CD163: variants seen among roughly 807,000 people sequenced by gnomAD.
CD163 encodes the protein scavenger receptor cysteine-rich type 1 protein M130.
A neutral mutation model predicts 129.2 loss-of-function variants in CD163; 64 were observed. That is an observed-to-expected ratio of 0.50 (90% CI 0.41 to 0.61). CD163 has a LOEUF of 0.61. Ranked by LOEUF, CD163 falls within the 20% of genes least tolerant of loss-of-function variation. The pLI, the probability that CD163 is intolerant of heterozygous loss-of-function variation, is 0.00. For missense variants in CD163, 1,061 were observed against 1,377.9 expected (o/e 0.77, Z 3.64); for synonymous variants, 446 against 478.5 (o/e 0.93, Z 0.89).
At position 7,497,172 on chromosome 12, in the gene CD163, C is replaced by G. The variant is rs1464533821; in HGVS notation, c.779-39G>C. The G allele has an allele frequency of 3.9e-6, 6 of 1,536,686 alleles. No homozygotes were observed. The African/African-American group carries it at 5.5e-5, about 14-fold the overall frequency. Reference sequence around the variant, plus strand: ...ACACAACAGGTCTGCGATAAGGAAGCAAGAACATGAGACTATAAATAGCTA... The same window carrying G: ...ACACAACAGGTCTGCGATAAGGAAGGAAGAACATGAGACTATAAATAGCTA... On this transcript the variant is annotated intron_variant, in intron 4 of 16. Transcript: ENST00000432237.
chr12:7,481,086 A>G, intron 15 of CD163, 75 bp downstream of exon 15: 1 of 1,546,916 alleles, frequency 6.5e-7, no homozygotes, highest in South Asian at 1.2e-5. Flanking sequence ...TGTTTATCAA[A>G]GTAGAATGTC....
At chr12:7,494,964 A>C (rs1949379284) in intron 6 of CD163, 117 bp downstream of exon 6, 1 of 764,000 alleles carries the variant, frequency 1.3e-6, no homozygotes, top group African/African-American at 1.7e-5. Flanking sequence ...ATTTGTGTAG[A>C]TATTTCCTGG....
At chr12:7,476,905 A>T (rs1019353533) in intron 16 of CD163, among the ~76,000 whole-genome samples, 5 of 152,192 alleles carry the variant, frequency 3.3e-5, no homozygotes, top group Non-Finnish European at 1.5e-5. Context: ...AAACACAAAC[A>T]ACCCATCAAA....
chr12:7,498,600 C>T (rs1158794733), intron 4 of CD163, among the ~76,000 whole-genome samples: 1 of 151,990 alleles, frequency 6.6e-6, no homozygotes, highest in Admixed American at 6.6e-5. Flanking sequence ...CGGTCTCTCC[C>T]TTTCTTTATG....
rs767430650 is a variant in CD163 at position 7,497,150 on chromosome 12, C to T, written c.779-17G>A. 3.1e-6 allele frequency: 5 copies of T among 1,601,730 alleles called. No individual in the cohort carries two copies. The South Asian group carries it at 4.4e-5, about 14-fold the overall frequency. On this transcript the variant is annotated splice_polypyrimidine_tract_variant and intron_variant, in intron 4 of 16. Transcript: ENST00000432237. ...CTGCTCCCTCTGTAACAGAGACACACAACAGGTCTGCGATAAGGAAGCAAG... is the reference window on the plus strand; with the variant it reads ...CTGCTCCCTCTGTAACAGAGACACATAACAGGTCTGCGATAAGGAAGCAAG...
At chr12:7,482,232 T>C (rs1949171622) in intron 14 of CD163, among the ~76,000 whole-genome samples, 1 of 152,176 alleles carries the variant, frequency 6.6e-6, no homozygotes, top group African/African-American at 2.4e-5. Flanking sequence ...TAAAAAGTCA[T>C]CCTAAACAAT....
intron 5 of CD163, 116 bp from the exon 6 acceptor site, chr12:7,495,517 A>C: frequency 2.3e-6 from 2 of 855,382 alleles, no homozygotes; most frequent in African/African-American, 1.7e-5. Flanking sequence ...TAGGTAACTT[A>C]TTTCCTGACT....
At chr12:7,482,257 T>C (rs1017558873) in intron 14 of CD163, among the ~76,000 whole-genome samples, 1 of 152,206 alleles carries the variant, frequency 6.6e-6, no homozygotes, top group Non-Finnish European at 1.5e-5. Flanking sequence ...AACATATTCA[T>C]TCTGAACTTT....
Position 7,501,247 on chromosome 12 carries a change from G to A in CD163, c.349C>T (p.His117Tyr), listed in dbSNP as rs745697104. 6 of 1,614,014 alleles carry A rather than the reference G, an allele frequency of 3.7e-6. No individual in the cohort carries two copies. The highest frequency in any genetic ancestry group is 3.3e-5 in the Admixed American group (2 of 59,994). ...GACTCATTCCCACGACAAGAAACAT[G>A]ATCCATCCAAATGCGTCCAGAACCT... ...SAGSGRIWMD[H>Y]VSCRGNESAL... The change falls in exon 3 of 17, where the codon CAT becomes TAT. Residue 117 changes from histidine to tyrosine, a missense_variant. His to Tyr is a moderately conservative substitution (Grantham distance 83). Coordinates refer to ENST00000432237, the MANE Select transcript of CD163 (RefSeq NM_203416.4).
At chr12:7,479,141 T>G (rs188586154) in intron 16 of CD163, among the ~76,000 whole-genome samples, 457 of 152,254 alleles carry the variant, frequency 3.0e-3, no homozygotes, top group African/African-American at 0.01. Context: ...CAGGGCTCTA[T>G]GCAGCCTTTT....
At chr12:7,483,179 G>T in intron 12 of CD163, 175 bp from the exon 13 acceptor site, 1 of 791,548 alleles carries the variant, frequency 1.3e-6, no homozygotes, top group Non-Finnish European at 2.0e-6. Flanking sequence ...GGTTGTATGT[G>T]TCTCCTTGGT....
chr12:7,498,124 TACAC>T (rs571405606), intron 4 of CD163, among the ~76,000 whole-genome samples: 13 of 148,744 alleles, frequency 8.7e-5, no homozygotes, highest in African/African-American at 1.2e-4. Flanking sequence ...TTCCTTTATT[TACAC>T]ACACACACAC....
intron 10 of CD163, 49 bp downstream of exon 10, chr12:7,486,450 C>T (rs1331041190): frequency 6.6e-7 from 1 of 1,526,126 alleles, no homozygotes; most frequent in Admixed American, 1.7e-5. Flanking sequence ...TACCCTTCCT[C>T]AGTCCTTTCT....
chr12:7,496,378 G>T lies in CD163; in HGVS notation c.1099+435C>A, dbSNP rs1399560590. On this transcript the variant is annotated intron_variant, in intron 5 of 16. Transcript: ENST00000432237. The surrounding 1 kb of genome is among the most constrained non-coding windows in gnomAD (Gnocchi z 4.8). ...GCATTAGGACAAATACCTAATGCAT[G>T]GGGGGTTAAAACCTAGATGACAGGT... Among the ~76,000 whole-genome samples, 2 of 151,980 alleles carry T rather than the reference G, an allele frequency of 1.3e-5. No homozygotes were observed. The highest frequency in any genetic ancestry group is 2.9e-5 in the Non-Finnish European group (2 of 67,988).
At chr12:7,492,260 A>G (rs1219824991) in intron 6 of CD163, among the ~76,000 whole-genome samples, 3 of 152,218 alleles carry the variant, frequency 2.0e-5, no homozygotes, top group Non-Finnish European at 4.4e-5. Context: ...AAACAAAAAT[A>G]CAGCTCTGTG....
Position 7,499,055 on chromosome 12 carries a change from A to G in CD163, c.591T>C (p.Cys197=), listed in dbSNP as rs1949442260. 5 of 1,614,186 alleles carry G rather than the reference A, an allele frequency of 3.1e-6. No homozygotes were observed. In the Admixed American group the frequency reaches 5.0e-5, roughly 16 times the overall value. The change falls in exon 4 of 17, where the codon TGT becomes TGC. Residue 197 remains cysteine, a synonymous_variant. Transcript: ENST00000432237. The part of the protein sequence containing the change: ...NFNIDHASVI[C]RQLECGSAVS... Reference sequence around the variant, plus strand: ...CAGCACTTCCACATTCAAGTTGTCTACAAATGACAGATGCATGATCTATGT... The same window carrying G: ...CAGCACTTCCACATTCAAGTTGTCTGCAAATGACAGATGCATGATCTATGT...
intron 16 of CD163, among the ~76,000 whole-genome samples, chr12:7,479,522 G>C (rs1296488113): frequency 6.6e-6 from 1 of 152,004 alleles, no homozygotes; most frequent in Non-Finnish European, 1.5e-5. Context: ...CTTTACCATA[G>C]CATGTATTAT....
chr12:7,478,833 C>A (rs1949123116), intron 16 of CD163, among the ~76,000 whole-genome samples: 1 of 151,820 alleles, frequency 6.6e-6, no homozygotes, highest in African/African-American at 2.4e-5. Flanking sequence ...TATAATATTT[C>A]TATAAAAAAT....
In CD163 at chr12:7,499,034, A is replaced by C. The variant is rs754590091; in HGVS notation, c.612T>G (p.Ser204Arg). ...SVICRQLECG[S>R]AVSFSGSSNF... ...TAGATGAACCAGAGAAACTGACAGC[A>C]CTTCCACATTCAAGTTGTCTACAAA... The change falls in exon 4 of 17, where the codon AGT becomes AGG. Residue 204 changes from serine (S) to arginine (R), a missense_variant. Coordinates refer to ENST00000432237, the MANE Select transcript of CD163 (RefSeq NM_203416.4). 191 of 1,614,084 alleles carry C rather than the reference A, an allele frequency of 1.2e-4. No individual in the cohort carries two copies. The highest frequency in any genetic ancestry group is 1.5e-4 in the Non-Finnish European group (180 of 1,180,038).
Sources: gnomAD v4.1 joint callset for allele counts (sites outside exome capture counted in the v4.1 genomes callset) on GRCh38, gnomAD v4.1.1 for gene constraint, Gnocchi (gnomAD v3.1) non-coding constraint, MANE v1.5 for transcripts, NCBI Gene and HGNC (gene_info 2026-07-23, HGNC 2026-07-21) for gene names.